Variants in GALK2 observed in about 807,000 individuals in gnomAD.
GALK2 encodes galactokinase 2, also known as N-acetylgalactosamine kinase.
A neutral mutation model predicts 52.4 loss-of-function variants in GALK2; 36 were observed. The observed-to-expected ratio is 0.69, with a 90% CI of 0.53 to 0.91. GALK2 has a LOEUF of 0.91. GALK2 is among the 40% of genes least tolerant of loss of function. The pLI, the probability that GALK2 is intolerant of heterozygous loss-of-function variation, is 0.00. For missense variants in GALK2, 579 were observed against 559.1 expected (o/e 1.04, Z -0.36); for synonymous variants, 176 against 199.1 (o/e 0.88, Z 0.98).
chr15:49,299,763 C>CTTTCTTTCT (rs2034900306), intron 8 of GALK2, among the ~76,000 whole-genome samples: 2 of 112,792 alleles, frequency 1.8e-5, no homozygotes, highest in Non-Finnish European at 3.8e-5. Context: ...TTCTTTCTTT[C>CTTTCTTTCT]TTTCTTTCTT....
chr15:49,292,176 T>C, intron 7 of GALK2, 151 bp from the exon 8 acceptor site: 1 of 651,874 alleles, frequency 1.5e-6, no homozygotes, highest in South Asian at 2.0e-5. Context: ...GAAGCCAGTA[T>C]GCATTTCCAA....
At chr15:49,324,400 C>CCAAAAAAAAAAA (rs2037156907) in intron 9 of GALK2, among the ~76,000 whole-genome samples, 1 of 93,430 alleles carries the variant, frequency 1.1e-5, no homozygotes, top group South Asian at 3.9e-4. Context: ...CATACCCTGT[C>CCAAAAAAAAAAA]AAAAAAAAAA....
rs531694969 is a variant in GALK2, at chr15:49,239,582, A to C, written c.504+215A>C. Among the ~76,000 whole-genome samples, 3 of 152,360 alleles carry C rather than the reference A, an allele frequency of 2.0e-5. No homozygotes were observed. The South Asian group carries it at 6.2e-4, about 32-fold the overall frequency. The stretch of plus-strand genomic sequence containing the variant: ...GAATAGATCTGTGAATAACTGTATA[A>C]AAATACATTGTATTAAATATGGGAT... On this transcript the variant is annotated intron_variant, in intron 5 of 9. Transcript: ENST00000560031.
At chr15:49,192,485 G>GTATGTA (rs1555400549) in intron 1 of GALK2, among the ~76,000 whole-genome samples, 8 of 102,972 alleles carry the variant, frequency 7.8e-5, no homozygotes, top group African/African-American at 3.2e-4. Flanking sequence ...ATATATATAT[G>GTATGTA]TATATATATA....
intron 5 of GALK2, among the ~76,000 whole-genome samples, chr15:49,252,247 C>CA (rs577118838): frequency 2.6e-5 from 4 of 152,088 alleles, no homozygotes; most frequent in Non-Finnish European, 5.9e-5. Flanking sequence ...GTCTGGGTGA[C>CA]AGAGTAAGAC....
intron 5 of GALK2, among the ~76,000 whole-genome samples, chr15:49,268,681 G>C (rs1052675580): frequency 1.3e-5 from 2 of 152,164 alleles, no homozygotes; most frequent in African/African-American, 4.8e-5. Context: ...CCTTAGAAAT[G>C]ATCAGAAATG....
At chr15:49,170,448 G>C (rs2141168767) in intron 1 of GALK2, 73 bp downstream of exon 1, 1 of 1,460,920 alleles carries the variant, frequency 6.8e-7, no homozygotes. Flanking sequence ...ACAGCACTTG[G>C]CTCCTCCCTT....
At chr15:49,215,097 A>T (rs1346618885) in intron 2 of GALK2, among the ~76,000 whole-genome samples, 1 of 152,168 alleles carries the variant, frequency 6.6e-6, no homozygotes, top group Non-Finnish European at 1.5e-5. Context: ...TACTAGACAT[A>T]TTGGAGCCCC....
At chr15:49,254,533 T>C in intron 5 of GALK2, among the ~76,000 whole-genome samples, 2 of 144,478 alleles carry the variant, frequency 1.4e-5, no homozygotes, top group East Asian at 3.8e-4. Flanking sequence ...AATTTGTATT[T>C]ATATTTATTT....
rs187633880 is a variant in GALK2 at position 49,269,933 on chromosome 15, C to T, written c.505-12054C>T. 3.3e-5 allele frequency among the ~76,000 whole-genome samples: 5 copies of T among 152,318 alleles called. No homozygotes were observed. The East Asian group carries it at 5.8e-4, about 18-fold the overall frequency. ...TTGAAGTTTGAAGGAACCGCTTGTG[C>T]GTCCTCTTATTCTTTCTCTAAGCCA... On this transcript the variant is annotated intron_variant, in intron 5 of 9. Transcript: ENST00000560031.
At chr15:49,194,220 GGAGGCC>G (rs2087010293) in intron 1 of GALK2, 1 of 152,152 alleles carries the variant, frequency 6.6e-6, no homozygotes, top group Non-Finnish European at 1.5e-5. Context: ...CAGCTACTCG[GGAGGCC>G]GAGGCAGAAG....
At chr15:49,295,309 T>TTCTCTC (rs58542204) in intron 8 of GALK2, among the ~76,000 whole-genome samples, 13 of 145,564 alleles carry the variant, frequency 8.9e-5, no homozygotes, top group South Asian at 8.9e-4. Flanking sequence ...ACAAGCTCAT[T>TTCTCTC]TCTCTCTCTC....
chr15:49,258,957 G>A lies in GALK2; in HGVS notation c.504+19590G>A, dbSNP rs1248604959. Among the ~76,000 whole-genome samples, 90 of 151,602 alleles carry A rather than the reference G, an allele frequency of 5.9e-4. 1 individual carries two copies. Among genetic ancestry groups the A allele is most frequent in the Non-Finnish European group, 1.5e-4 (10 of 67,906 alleles). On this transcript the variant is annotated intron_variant, in intron 5 of 9. Coordinates refer to ENST00000560031, the MANE Select transcript of GALK2 (RefSeq NM_002044.4). ...CTGCATAAATGTCTTCTTTTGAGAA[G>A]TGTCAGTTCATGTCCTTCACCCATT...
chr15:49,365,654 G>A lies in GALK2; in HGVS notation c.427-1837G>A, dbSNP rs531082864. 4.3e-5 allele frequency: 47 copies of A among 1,089,808 alleles called. No individual in the cohort carries two copies. The African/African-American group carries it at 6.3e-4, about 15-fold the overall frequency. The allele number at this position is 1,089,808 out of a possible 1,614,324, so 67.5% of individuals were successfully genotyped here. ...ACATCATAGAGGAGGAGAAGGCCTA[G>A]AAGTATCACACATGACTTGAAGCTG... On this transcript the variant is annotated intron_variant, in intron 3 of 3. Coordinates refer to the GALK2 transcript ENST00000558399.
downstream of GALK2, chr15:49,331,886 A>C (rs774040141): frequency 8.1e-7 from 1 of 1,231,212 alleles, no homozygotes; most frequent in East Asian, 2.3e-5. Flanking sequence ...AACCAAACTA[A>C]TTGTCCTTAT....
At chr15:49,353,482 G>C (rs2042554700) in intron 3 of GALK2, 1 of 151,874 alleles carries the variant, frequency 6.6e-6, no homozygotes, top group Non-Finnish European at 1.5e-5. Context: ...TGTATGTTTT[G>C]AACAAAAATA....
At chr15:49,294,140 CAAATAAATAAAT>C (rs10677248) in intron 8 of GALK2, among the ~76,000 whole-genome samples, 2,108 of 139,872 alleles carry the variant, frequency 0.015, 43 homozygotes, top group African/African-American at 0.046. Flanking sequence ...GACCCTGTCT[CAAATAAATAAAT>C]AAATAAATAA....
At chr15:49,355,539 A>T in intron 3 of GALK2, among the ~76,000 whole-genome samples, 1 of 152,162 alleles carries the variant, frequency 6.6e-6, no homozygotes, top group Non-Finnish European at 1.5e-5. Context: ...AAGTTTAGAG[A>T]AAAAAGAATA....
At chr15:49,256,928 A>G (rs1478882033) in intron 5 of GALK2, among the ~76,000 whole-genome samples, 1 of 152,184 alleles carries the variant, frequency 6.6e-6, no homozygotes, top group East Asian at 1.9e-4. Context: ...TTTGCAACAT[A>G]ATTTCCTGGT....
Sources: allele counts gnomAD v4.1 joint callset (sites outside exome capture counted in the v4.1 genomes callset), GRCh38; gene constraint gnomAD v4.1.1; transcripts MANE v1.5; gene names NCBI Gene and HGNC (gene_info 2026-07-23, HGNC 2026-07-21).